SETD1B: variants seen among roughly 807,000 people sequenced by gnomAD.
SETD1B encodes the protein histone-lysine N-methyltransferase SETD1B.
A neutral mutation model predicts 148.0 loss-of-function variants in SETD1B; 7 were observed. The observed-to-expected ratio is 0.05, with a 90% confidence interval of 0.03 to 0.09. The LOEUF (loss-of-function observed/expected upper bound fraction) is 0.09, where lower values mean the gene tolerates loss of function less well. SETD1B is among the 10% of genes least tolerant of loss of function. The pLI is 1.00. For synonymous variants in SETD1B, 1,361 were observed against 1,186.5 expected (o/e 1.15, Z -3.02); for missense variants, 2,155 against 2,729.9 (o/e 0.79, Z 4.69).
In SETD1B at chr12:121,810,109, C is replaced by T. The variant is rs1310894632; in HGVS notation, c.1164C>T (p.Thr388=). 7 of 1,550,080 alleles carry T rather than the reference C, an allele frequency of 4.5e-6. No homozygotes were observed. Among genetic ancestry groups the T allele is most frequent in the South Asian group, 1.2e-5 (1 of 84,060 alleles). The change falls in exon 6 of 17, where the codon ACC becomes ACT. Residue 388 remains threonine, a synonymous_variant. Transcript: ENST00000604567. The surrounding 1 kb of genome is among the most constrained non-coding windows in gnomAD (Gnocchi z 7.6). ...FAHTPPPAQA[T]PAPGFKSAFS... ...ACACTCCACCACCCGCCCAAGCAAC[C>T]CCTGCTCCTGGATTCAAGTCTGCTT...
At chr12:121,806,355 G>T (rs748713254) in intron 4 of SETD1B, among the ~76,000 whole-genome samples, 9 of 152,058 alleles carry the variant, frequency 5.9e-5, no homozygotes, top group Non-Finnish European at 8.8e-5. Flanking sequence ...CCACCCGGAG[G>T]CTTCCCCACC....
In SETD1B at chr12:121,810,007, C is replaced by G. The variant is rs977165817; in HGVS notation, c.1062C>G (p.Phe354Leu). The change falls in exon 6 of 17, where the codon TTC (phenylalanine) becomes TTG (leucine). Residue 354 changes from phenylalanine to leucine, a missense_variant. Coordinates refer to ENST00000604567, the MANE Select transcript of SETD1B (RefSeq NM_001353345.2). This position sits in a 1 kb window ranked among gnomAD's most constrained non-coding sequence, Gnocchi z 7.6. ...AAFRGSSDLP[F>L]GAVGGTGGSS... ...TCCGGGGTTCCTCGGACCTCCCGTT[C>G]GGAGCAGTCGGCGGCACTGGGGGCA... The G allele has an allele frequency of 1.3e-6, 2 of 1,550,436 alleles. No individual in the cohort carries two copies. Among genetic ancestry groups the G allele is most frequent in the Non-Finnish European group, 1.7e-6 (2 of 1,146,942 alleles).
chr12:121,790,202 C>T, the SETD1B span, among the ~76,000 whole-genome samples: 2 of 152,246 alleles, frequency 1.3e-5, no homozygotes, highest in African/African-American at 4.8e-5. Context: ...CGGCCCCTGC[C>T]CAGGACCAGC....
At chr12:121,791,312 G>T in the SETD1B span, among the ~76,000 whole-genome samples, 1 of 152,198 alleles carries the variant, frequency 6.6e-6, no homozygotes, top group Non-Finnish European at 1.5e-5. Flanking sequence ...TTTTAGTAGA[G>T]ATGGGGTTTC....
At position 121,814,497 on chromosome 12, in the gene SETD1B, G is replaced by A. The variant is rs1296740442; in HGVS notation, c.2282G>A (p.Ser761Asn). The A allele has an allele frequency of 2.1e-6, 3 of 1,461,608 alleles. No homozygotes were observed. The highest frequency in any genetic ancestry group is 9.1e-7 in the Non-Finnish European group (1 of 1,102,026). 90.5% of individuals were successfully genotyped at this position (1,461,608 alleles called of 1,614,324 possible). A position where few individuals can be genotyped will look rare whatever the true frequency, so the allele number is the denominator to read the frequency against. ...GLFPVMQVDM[S>N]HVLGGQWGGM... Reference sequence around the variant, plus strand: ...TTCCCTGTGATGCAGGTGGACATGAGCCACGTGCTGGGTGGCCAGTGGGGC... The same window carrying A: ...TTCCCTGTGATGCAGGTGGACATGAACCACGTGCTGGGTGGCCAGTGGGGC... Residue 761 changes from serine (S) to asparagine (N), a missense_variant, in exon 7 of 17, where the codon AGC (serine) becomes AAC (asparagine). Coordinates refer to ENST00000604567, the MANE Select transcript of SETD1B (RefSeq NM_001353345.2).
At position 121,804,702 on chromosome 12, in the gene SETD1B, A is replaced by G. The variant is rs1337005111; in HGVS notation, c.-14-22A>G. On this transcript the variant is annotated intron_variant, in intron 1 of 16. Coordinates refer to ENST00000604567, the MANE Select transcript of SETD1B (RefSeq NM_001353345.2). The surrounding 1 kb of genome is among the most constrained non-coding windows in gnomAD (Gnocchi z 4.6). The stretch of plus-strand genomic sequence containing the variant: ...CGCCGCCGCCGCCGCGGCGGAGACG[A>G]CAACAACTTGCTGGTTTTCAGGTTG... 1.9e-6 allele frequency: 3 copies of G among 1,543,724 alleles called. No individual in the cohort carries two copies. Among genetic ancestry groups the G allele is most frequent in the East Asian group, 4.9e-5 (2 of 40,726 alleles).
rs1015603391 is a variant in SETD1B at position 121,831,735 on chromosome 12, G to C, written c.*1496G>C. On this transcript the variant is annotated 3_prime_UTR_variant, in exon 17 of 17. Coordinates refer to ENST00000604567, the MANE Select transcript of SETD1B (RefSeq NM_001353345.2). ...TGTGACCCGGAGTCCTCATCAAGATGAGCGCGCTCCATGAGGGAGCTGCTC... is the reference window on the plus strand; with the variant it reads ...TGTGACCCGGAGTCCTCATCAAGATCAGCGCGCTCCATGAGGGAGCTGCTC... 6.6e-6 allele frequency: 1 copy of C among 152,208 alleles called. No homozygotes were observed. The highest frequency in any genetic ancestry group is 2.4e-5 in the African/African-American group (1 of 41,454). The allele number at this position is 152,208 out of a possible 1,614,324, so 9.4% of individuals were successfully genotyped here.
the SETD1B span, chr12:121,793,222 C>A: frequency 1.3e-6 from 2 of 1,550,990 alleles, no homozygotes; most frequent in South Asian, 1.2e-5. Flanking sequence ...ACTTCTCGAA[C>A]ACCGATGGGG....
chr12:121,819,522 G>T lies in SETD1B; in HGVS notation c.3537G>T (p.Glu1179Asp). The T allele has an allele frequency of 6.4e-7, 1 of 1,552,326 alleles. No homozygotes were observed. The highest frequency in any genetic ancestry group is 8.7e-7 in the Non-Finnish European group (1 of 1,147,090). Reference protein sequence around the residue: ...ESSPSSSEDEEEVVAREEEEE... With the variant: ...ESSPSSSEDEDEVVAREEEEE... Reference sequence around the variant, plus strand: ...CGCCCTCATCCTCGGAGGATGAGGAGGAGGTAGTGGCCAGGGAAGAGGAGG... The same window carrying T: ...CGCCCTCATCCTCGGAGGATGAGGATGAGGTAGTGGCCAGGGAAGAGGAGG... Residue 1179 changes from glutamate (E) to aspartate (D), a missense_variant, in exon 11 of 17, where the codon GAG becomes GAT. Coordinates refer to ENST00000604567, the MANE Select transcript of SETD1B (RefSeq NM_001353345.2).
At chr12:121,824,149 CAG>C (rs1876724720) in intron 12 of SETD1B, among the ~76,000 whole-genome samples, 2 of 152,336 alleles carry the variant, frequency 1.3e-5, no homozygotes, top group Admixed American at 1.3e-4. Flanking sequence ...AGCTAAGGCT[CAG>C]AGAGGTTCAG....
At chr12:121,818,153 G>T (rs75002919) in intron 10 of SETD1B, among the ~76,000 whole-genome samples, 1 of 152,184 alleles carries the variant, frequency 6.6e-6, no homozygotes, top group East Asian at 1.9e-4. Context: ...GTTCAGGGGG[G>T]CTTGCTCAGC....
At position 121,819,480 on chromosome 12, in the gene SETD1B, G is replaced by T. The variant is rs968623009; in HGVS notation, c.3495G>T (p.Glu1165Asp). Residue 1165 changes from glutamate to aspartate, a missense_variant, in exon 11 of 17, where the codon GAG (glutamate) becomes GAT (aspartate). By Grantham distance (45) the Glu-to-Asp change is conservative (BLOSUM62 2). This residue lies in a region of SETD1B where 862 missense variants were observed against 873.8 expected (regional missense o/e 0.99). Transcript: ENST00000604567. ...SSESSESSEF[E>D]SSSESSPSSS... ...AGAGTTCCGAGTCTTCTGAGTTTGA[G>T]TCAAGCTCCGAGTCCTCGCCCTCAT... The T allele has an allele frequency of 3.2e-6, 5 of 1,552,268 alleles. No individual in the cohort carries two copies. Among genetic ancestry groups the T allele is most frequent in the Middle Eastern group, 1.7e-4 (1 of 5,994 alleles).
chr12:121,826,673 G>A (rs571220318), intron 13 of SETD1B, among the ~76,000 whole-genome samples: 1 of 152,106 alleles, frequency 6.6e-6, no homozygotes, highest in African/African-American at 2.4e-5. Context: ...CTGGTGCAGG[G>A]GTCCTGAGGG....
intron 4 of SETD1B, among the ~76,000 whole-genome samples, chr12:121,806,864 T>TG (rs1454159510): frequency 2.0e-5 from 3 of 152,154 alleles, no homozygotes; most frequent in Non-Finnish European, 4.4e-5. Flanking sequence ...CCAAGGGGCT[T>TG]GGAGGACTCG....
the SETD1B span, among the ~76,000 whole-genome samples, chr12:121,796,784 G>A: frequency 6.6e-6 from 1 of 152,350 alleles, no homozygotes; most frequent in East Asian, 1.9e-4. Context: ...GCTCATGCCT[G>A]TAATCCCAGC....
chr12:121,818,796 A>C (rs962058123), intron 10 of SETD1B, among the ~76,000 whole-genome samples: 1 of 151,822 alleles, frequency 6.6e-6, no homozygotes, highest in African/African-American at 2.4e-5. Context: ...AGGCTGAGGC[A>C]GGAGAATGGC....
chr12:121,804,917 T>C lies in SETD1B; in HGVS notation c.174+6T>C. The C allele has an allele frequency of 2.0e-6, 3 of 1,490,514 alleles. No homozygotes were observed. The highest frequency in any genetic ancestry group is 2.7e-6 in the Non-Finnish European group (3 of 1,117,386). 92.3% of individuals were successfully genotyped at this position (1,490,514 alleles called of 1,614,324 possible). A position where few individuals can be genotyped will look rare whatever the true frequency, so the allele number is the denominator to read the frequency against. ...GGCAGCATTTCAGCCTGGCGGTGAG[T>C]AGCCGGCGCGCCCCCCCAGCCGTGC... On this transcript the variant is annotated splice_donor_region_variant and intron_variant, in intron 2 of 16. Coordinates refer to ENST00000604567, the MANE Select transcript of SETD1B (RefSeq NM_001353345.2). This position sits in a 1 kb window ranked among gnomAD's most constrained non-coding sequence, Gnocchi z 4.6.
chr12:121,805,196 C>T lies in SETD1B; in HGVS notation c.253C>T (p.Leu85=), dbSNP rs1458776677. ...GIWTKNKELE[L]SVPKFKIDEF... is the part of the protein sequence containing the mutation. ...CTGGACCAAAAACAAGGAGCTGGAG[C>T]TGTCGGTGCCCAAATTCAAGGTAGG... is the stretch of plus-strand genomic sequence containing the variant. The change falls in exon 3 of 17, where the codon CTG becomes TTG. Residue 85 remains leucine (L), a synonymous_variant. Coordinates refer to ENST00000604567, the MANE Select transcript of SETD1B (RefSeq NM_001353345.2). This position sits in a 1 kb window ranked among gnomAD's most constrained non-coding sequence, Gnocchi z 4.2. The T allele has an allele frequency of 1.3e-6, 2 of 1,551,044 alleles. No homozygotes were observed. The highest frequency in any genetic ancestry group is 1.7e-6 in the Non-Finnish European group (2 of 1,146,948).
intron 16 of SETD1B, among the ~76,000 whole-genome samples, chr12:121,828,804 C>T (rs1233649054): frequency 1.3e-5 from 2 of 152,242 alleles, no homozygotes; most frequent in African/African-American, 4.8e-5. Context: ...ATAACAGTCT[C>T]TCCTTTTAGG....
Sources: allele counts gnomAD v4.1 joint callset (sites outside exome capture counted in the v4.1 genomes callset), GRCh38; gene constraint gnomAD v4.1.1; regional missense constraint gnomAD v4.1.1; non-coding constraint Gnocchi (gnomAD v3.1); transcripts MANE v1.5; gene names NCBI Gene and HGNC (gene_info 2026-07-23, HGNC 2026-07-21).